Variants in METTL22 observed in about 807,000 individuals in gnomAD.
METTL22 encodes methyltransferase 22, Kin17 lysine, also known as methyltransferase-like protein 22.
A neutral mutation model predicts 48.4 loss-of-function variants in METTL22; 51 were observed. That is an observed-to-expected ratio of 1.05 (90% CI 0.84 to 1.33). The LOEUF (loss-of-function observed/expected upper bound fraction) is 1.33, where lower values mean the gene tolerates loss of function less well. Ranked by LOEUF, METTL22 falls within the 40% of genes most tolerant of loss-of-function variation. The pLI is 0.00. For synonymous variants in METTL22, 255 were observed against 214.1 expected, an observed-to-expected ratio of 1.19 and a Z score of -1.67; for missense variants, 678 against 526.9, an observed-to-expected ratio of 1.29 and a Z score of -2.81.
At chr16:8,636,474 T>C (rs1167858442) in intron 5 of METTL22, among the ~76,000 whole-genome samples, 3 of 146,838 alleles carry the variant, frequency 2.0e-5, no homozygotes, top group African/African-American at 7.6e-5. Flanking sequence ...TGAGCTGAGA[T>C]TGCACCACTG....
rs1431479706 is a variant in METTL22, at chr16:8,627,532, T to A, written c.134-1198T>A. 3.3e-5 allele frequency among the ~76,000 whole-genome samples: 5 copies of A among 152,206 alleles called. No individual in the cohort carries two copies. The East Asian group carries it at 9.6e-4, about 29-fold the overall frequency. On this transcript the variant is annotated intron_variant, in intron 2 of 10. Coordinates refer to ENST00000381920, the MANE Select transcript of METTL22 (RefSeq NM_024109.4). ...TTGTTATGGTGTGATTATTAATAATTCCCATTGACCTCCTGCCCTAATTTG... is the reference window on the plus strand; with the variant it reads ...TTGTTATGGTGTGATTATTAATAATACCCATTGACCTCCTGCCCTAATTTG...
Position 8,634,281 on chromosome 16 carries a change from T to C in METTL22, c.515-758T>C, listed in dbSNP as rs374697956. The stretch of plus-strand genomic sequence containing the variant: ...CCTGGTTCGGGGACAGACAGAGCGA[T>C]TGGCGATAGCTGTTACCATCTCACT... On this transcript the variant is annotated intron_variant, in intron 3 of 10. Transcript: ENST00000381920. Among the ~76,000 whole-genome samples, 500 of 152,324 alleles carry C rather than the reference T, an allele frequency of 3.3e-3. 5 individuals carry two copies. Among genetic ancestry groups the C allele is most frequent in the Non-Finnish European group, 6.3e-3 (427 of 68,044 alleles).
chr16:8,650,607 C>T (rs2056880434), downstream of METTL22, among the ~76,000 whole-genome samples: 1 of 152,142 alleles, frequency 6.6e-6, no homozygotes, highest in East Asian at 1.9e-4. Context: ...GAAATGTTCC[C>T]AACACATAAA....
Position 8,628,816 on chromosome 16 carries a change from A to G in METTL22, c.220A>G (p.Thr74Ala). The change falls in exon 3 of 11, where the codon ACA becomes GCA. Residue 74 changes from threonine to alanine, a missense_variant. Transcript: ENST00000381920. ...GGGTGGCAGTCACAGAGATGTTCAC[A>G]CAAAGGAGCCTCCTTCTGCTGAGAC... ...AKGGSHRDVHTKEPPSAETGS... is the reference protein window; with the variant it reads ...AKGGSHRDVHAKEPPSAETGS... 1 of 1,614,208 alleles carries G rather than the reference A, an allele frequency of 6.2e-7. No individual in the cohort carries two copies. Among genetic ancestry groups the G allele is most frequent in the East Asian group, 2.2e-5 (1 of 44,886 alleles).
At chr16:8,657,868 G>T in the METTL22 span, among the ~76,000 whole-genome samples, 1 of 144,760 alleles carries the variant, frequency 6.9e-6, no homozygotes. Flanking sequence ...CCAGGCTGGA[G>T]TTCAGTGGTG....
chr16:8,632,584 C>A (rs2056300696), intron 3 of METTL22, among the ~76,000 whole-genome samples: 1 of 152,204 alleles, frequency 6.6e-6, no homozygotes, highest in East Asian at 1.9e-4. Flanking sequence ...TTCTGGGCTT[C>A]AGTGATCTCC....
chr16:8,623,200 G>T (rs892167482), intron 1 of METTL22, among the ~76,000 whole-genome samples: 2 of 151,758 alleles, frequency 1.3e-5, no homozygotes, highest in Non-Finnish European at 2.9e-5. Context: ...TGTAGTCCCA[G>T]TTACTCGGGA....
At chr16:8,626,483 C>G (rs925291109) in intron 2 of METTL22, among the ~76,000 whole-genome samples, 4 of 145,418 alleles carry the variant, frequency 2.8e-5, no homozygotes, top group African/African-American at 1.0e-4. Context: ...GAAGCTCGCT[C>G]TGTCACCCAG....
downstream of METTL22, among the ~76,000 whole-genome samples, chr16:8,651,286 C>G (rs28502698): frequency 4.3e-5 from 6 of 140,882 alleles, no homozygotes; most frequent in South Asian, 2.3e-4. Context: ...ATTCGGGAGG[C>G]TAAGGCAGTA....
Position 8,642,136 on chromosome 16 carries a change from T to A in METTL22, c.836T>A (p.Val279Asp). Residue 279 changes from valine to aspartate, a missense_variant, in exon 8 of 11, where the codon GTC (valine) becomes GAC (aspartate). Transcript: ENST00000381920. ...LKDDLCTDPK[V>D]PFSWSQEEIS... ...TTTTGTTCTTTCTTAGATCCCAAGG[T>A]CCCCTTCAGTTGGTCACAAGAGGAA... is the stretch of plus-strand genomic sequence containing the variant. The A allele has an allele frequency of 6.2e-7, 1 of 1,612,808 alleles. No individual in the cohort carries two copies. Among genetic ancestry groups the A allele is most frequent in the South Asian group, 1.1e-5 (1 of 91,042 alleles).
In METTL22 at chr16:8,644,542, C is replaced by T. The variant is rs1164721817; in HGVS notation, c.1011-15C>T. On this transcript the variant is annotated splice_polypyrimidine_tract_variant and intron_variant, in intron 9 of 10. Transcript: ENST00000381920. ...TGATGATGGCAGTTTGTGCGTCCGA[C>T]TGGCTGGTTTGCAGGCTCAACTTCA... is the stretch of plus-strand genomic sequence containing the variant. 2.6e-6 allele frequency: 4 copies of T among 1,526,736 alleles called. No homozygotes were observed. Among genetic ancestry groups the T allele is most frequent in the African/African-American group, 1.4e-5 (1 of 71,608 alleles). The allele number at this position is 1,526,736 out of a possible 1,614,324, so 94.6% of individuals were successfully genotyped here. A position where few individuals can be genotyped will look rare whatever the true frequency, so the allele number is the denominator to read the frequency against.
chr16:8,624,540 C>T (rs903890790), intron 1 of METTL22, among the ~76,000 whole-genome samples: 34 of 152,046 alleles, frequency 2.2e-4, no homozygotes, highest in African/African-American at 6.7e-4. Flanking sequence ...CCACGACACC[C>T]GCCTAATTCC....
In METTL22 at chr16:8,647,447, A is replaced by G. The variant is rs2056824505; in HGVS notation, c.*1304A>G. On this transcript the variant is annotated 3_prime_UTR_variant, in exon 11 of 11. Transcript: ENST00000381920. ...GCTAATGTAAGTTACTAATTAGGTC[A>G]TTATTTCCTATTTGTGAGTGATTTT... 1.3e-5 allele frequency: 2 copies of G among 152,228 alleles called. No homozygotes were observed. The highest frequency in any genetic ancestry group is 2.9e-5 in the Non-Finnish European group (2 of 68,048). The allele number at this position is 152,228 out of a possible 1,614,324, so 9.4% of individuals were successfully genotyped here. A position where few individuals can be genotyped will look rare whatever the true frequency, so the allele number is the denominator to read the frequency against.
the METTL22 span, among the ~76,000 whole-genome samples, chr16:8,657,859 C>T: frequency 7.4e-6 from 1 of 135,868 alleles, no homozygotes; most frequent in African/African-American, 3.0e-5. Context: ...CTCTGTCACC[C>T]AGGCTGGAGT....
At chr16:8,640,910 A>AAGGGCCGGAAGATGGGCAGGTGGGTGGG (rs2056586904) in intron 6 of METTL22, among the ~76,000 whole-genome samples, 3 of 78,708 alleles carry the variant, frequency 3.8e-5, no homozygotes, top group Admixed American at 1.4e-4. Context: ...GGATGGATGG[A>AAGGGCCGGAAGATGGGCAGGTGGGTGGG]TGGATGGATG....
downstream of METTL22, among the ~76,000 whole-genome samples, chr16:8,654,420 G>T (rs1001350391): frequency 5.9e-5 from 9 of 152,194 alleles, no homozygotes; most frequent in African/African-American, 2.2e-4. Flanking sequence ...ATGGAATTGG[G>T]GGAATGGAAT....
chr16:8,632,036 A>C (rs192865547), intron 3 of METTL22: 1 of 152,226 alleles, frequency 6.6e-6, no homozygotes, highest in Admixed American at 6.5e-5. Context: ...ACCCATTCGA[A>C]CACTAGCAAG....
chr16:8,624,494 C>T (rs952428379), intron 1 of METTL22, among the ~76,000 whole-genome samples: 3 of 151,976 alleles, frequency 2.0e-5, no homozygotes, highest in Non-Finnish European at 4.4e-5. Flanking sequence ...ATCCTCCCAC[C>T]TCAGCCTCCC....
intron 5 of METTL22, 84 bp downstream of exon 5, chr16:8,635,396 A>G: frequency 6.9e-7 from 1 of 1,451,750 alleles, no homozygotes; most frequent in South Asian, 1.5e-5. Context: ...AGGCAGAGGC[A>G]CTGGAAATTG....
Sources: gnomAD v4.1 joint callset for allele counts (sites outside exome capture counted in the v4.1 genomes callset) on GRCh38, gnomAD v4.1.1 for gene constraint, MANE v1.5 for transcripts, NCBI Gene and HGNC (gene_info 2026-07-23, HGNC 2026-07-21) for gene names.